Variants in COL23A1 observed in about 807,000 individuals in gnomAD.
COL23A1 encodes collagen type XXIII alpha 1 chain.
In COL23A1, 97 loss-of-function variants were observed where a neutral mutation model predicts 99.3. The observed-to-expected ratio is 0.98, with a 90% CI of 0.83 to 1.16. The LOEUF (loss-of-function observed/expected upper bound fraction) is 1.16. Ranked by LOEUF, COL23A1 falls within the 50% of genes most tolerant of loss-of-function variation. The pLI, the probability that COL23A1 is intolerant of heterozygous loss-of-function variation, is 0.00. For missense variants in COL23A1, 762 were observed against 757.4 expected (o/e 1.01, Z -0.07); for synonymous variants, 320 against 308.2 (o/e 1.04, Z -0.40).
intron 2 of COL23A1, among the ~76,000 whole-genome samples, chr5:178,455,892 T>TG (rs1767764450): frequency 1.3e-5 from 2 of 152,064 alleles, no homozygotes; most frequent in Admixed American, 1.3e-4. Context: ...TTTAACTTAA[T>TG]GAATAATTCT....
chr5:178,243,700 G>A (rs1257237317), intron 25 of COL23A1, among the ~76,000 whole-genome samples: 1 of 152,142 alleles, frequency 6.6e-6, no homozygotes, highest in Non-Finnish European at 1.5e-5. Context: ...CCTCATTATA[G>A]TTGGGCCTTC....
chr5:178,335,771 C>T (rs1760283131), intron 2 of COL23A1, among the ~76,000 whole-genome samples: 1 of 152,198 alleles, frequency 6.6e-6, no homozygotes, highest in Non-Finnish European at 1.5e-5. Context: ...ACACTGTGAT[C>T]ACTGGCAAAG....
chr5:178,402,174 A>G (rs1437216043), intron 2 of COL23A1, among the ~76,000 whole-genome samples: 1 of 152,134 alleles, frequency 6.6e-6, no homozygotes, highest in African/African-American at 2.4e-5. Context: ...TAATAGAATA[A>G]TGATAGCAAT....
intron 2 of COL23A1, among the ~76,000 whole-genome samples, chr5:178,424,943 C>T (rs2127804345): frequency 6.6e-6 from 1 of 152,352 alleles, no homozygotes; most frequent in South Asian, 2.1e-4. Flanking sequence ...CTCGCCTCCT[C>T]CTCAGGAGAT....
At chr5:178,455,356 A>C (rs894343921) in intron 2 of COL23A1, among the ~76,000 whole-genome samples, 20 of 152,160 alleles carry the variant, frequency 1.3e-4, no homozygotes, top group African/African-American at 4.6e-4. Context: ...AGGCACCAGC[A>C]TGGGAGGGCT....
intron 2 of COL23A1, among the ~76,000 whole-genome samples, chr5:178,350,149 G>A (rs1287226711): frequency 7.2e-5 from 11 of 152,170 alleles, no homozygotes; most frequent in East Asian, 1.9e-4. Context: ...ACTTTCCCAC[G>A]CAGTCAGCTT....
intron 2 of COL23A1, among the ~76,000 whole-genome samples, chr5:178,326,560 C>T (rs1016059989): frequency 3.3e-5 from 5 of 152,274 alleles, no homozygotes; most frequent in South Asian, 4.1e-4. Context: ...CATCTGTCCA[C>T]GCAGGCATCT....
At chr5:178,442,377 C>A (rs1237576751) in intron 2 of COL23A1, among the ~76,000 whole-genome samples, 2 of 151,418 alleles carry the variant, frequency 1.3e-5, no homozygotes, top group African/African-American at 4.9e-5. Flanking sequence ...AAGATCACCG[C>A]CATCTCCACA....
At chr5:178,457,166 T>C (rs140105512) in intron 2 of COL23A1, among the ~76,000 whole-genome samples, 5 of 152,332 alleles carry the variant, frequency 3.3e-5, no homozygotes, top group Admixed American at 6.5e-5. Flanking sequence ...GACTAAAAGA[T>C]TGAACAGAAA....
intron 2 of COL23A1, among the ~76,000 whole-genome samples, chr5:178,518,527 C>A (rs1353562585): frequency 2.0e-5 from 3 of 147,908 alleles, no homozygotes; most frequent in Admixed American, 6.7e-5. Context: ...GGCAGAGGGG[C>A]TCCTCACTTC....
In COL23A1 at chr5:178,383,684, G is replaced by A. The variant is rs144361586; in HGVS notation, c.362-76765C>T. On this transcript the variant is annotated intron_variant, in intron 2 of 28. Coordinates refer to ENST00000390654, the MANE Select transcript of COL23A1 (RefSeq NM_173465.4). ...GCCCTCGGCCTGGAGCTGGAGCATC[G>A]TTCTCCAAGTCTGCATGCACAATCA... Among the ~76,000 whole-genome samples, 67 of 152,260 alleles carry A rather than the reference G, an allele frequency of 4.4e-4. No individual in the cohort carries two copies. In the East Asian group the frequency reaches 9.3e-3, roughly 21 times the overall value.
chr5:178,411,560 A>T (rs1211520829), intron 2 of COL23A1, among the ~76,000 whole-genome samples: 2 of 152,240 alleles, frequency 1.3e-5, no homozygotes, highest in Admixed American at 6.5e-5. Context: ...TATAACTTAC[A>T]TGAAATATAC....
rs879041871 is a variant in COL23A1, at chr5:178,358,417, ATGTG to A, written c.362-51502_362-51499del. Among the ~76,000 whole-genome samples the A allele has an allele frequency of 4.3e-3, 482 of 111,576 alleles. 4 individuals carry two copies. Among genetic ancestry groups the A allele is most frequent in the Admixed American group, 0.029 (315 of 10,922 alleles). The allele number at this position is 111,576 out of a possible 152,430, so 73.2% of individuals were successfully genotyped here. On this transcript the variant is annotated intron_variant, in intron 2 of 28. Transcript: ENST00000390654. ...TGTGTATGTGTATGTGTGTATGTGTATGTGTGTGTATGTGTATGTGTGTATGTGT... is the reference window on the plus strand; with the variant it reads ...TGTGTATGTGTATGTGTGTATGTGTATGTGTATGTGTATGTGTGTATGTGT...
chr5:178,266,438 T>C (rs1175330277), intron 8 of COL23A1, among the ~76,000 whole-genome samples: 1 of 151,730 alleles, frequency 6.6e-6, no homozygotes, highest in African/African-American at 2.4e-5. Flanking sequence ...ACTGGGACCA[T>C]AGGGAGGGTA....
intron 2 of COL23A1, among the ~76,000 whole-genome samples, chr5:178,408,242 G>C (rs1764862719): frequency 6.6e-6 from 1 of 152,120 alleles, no homozygotes; most frequent in Admixed American, 6.5e-5. Flanking sequence ...CAGGAATAAA[G>C]GGGAAATTAA....
intron 1 of COL23A1, among the ~76,000 whole-genome samples, chr5:178,574,604 T>C (rs1254579451): frequency 2.0e-5 from 3 of 152,160 alleles, no homozygotes; most frequent in African/African-American, 7.2e-5. Flanking sequence ...CAGGGAGACA[T>C]TCAGATAACA....
rs138570721 is a variant in COL23A1, at chr5:178,295,707, A to G, written c.407-5338T>C. On this transcript the variant is annotated intron_variant, in intron 3 of 28. Coordinates refer to ENST00000390654, the MANE Select transcript of COL23A1 (RefSeq NM_173465.4). Reference sequence around the variant, plus strand: ...CTCATCACAGAAGTGTTGAGATAGTAAAAGTATTAGAAATGGCACAGATGG... The same window carrying G: ...CTCATCACAGAAGTGTTGAGATAGTGAAAGTATTAGAAATGGCACAGATGG... Among the ~76,000 whole-genome samples, 677 of 152,382 alleles carry G rather than the reference A, an allele frequency of 4.4e-3. 4 individuals are homozygous for G. The highest frequency in any genetic ancestry group is 0.015 in the African/African-American group (634 of 41,594).
At chr5:178,531,880 G>A (rs1209306937) in intron 2 of COL23A1, among the ~76,000 whole-genome samples, 1 of 152,178 alleles carries the variant, frequency 6.6e-6, no homozygotes, top group Non-Finnish European at 1.5e-5. Context: ...AGCATGAGAG[G>A]AGCCTGGTTC....
intron 2 of COL23A1, among the ~76,000 whole-genome samples, chr5:178,512,051 A>G (rs994750703): frequency 3.9e-5 from 6 of 152,208 alleles, no homozygotes; most frequent in African/African-American, 1.4e-4. Context: ...TTGACCCAAC[A>G]ATTTCCTTTC....
Sources: allele counts gnomAD v4.1 joint callset (sites outside exome capture counted in the v4.1 genomes callset), GRCh38; gene constraint gnomAD v4.1.1; transcripts MANE v1.5; gene names NCBI Gene and HGNC (gene_info 2026-07-23, HGNC 2026-07-21).